Variants in ERBB4 observed in about 807,000 individuals in gnomAD.
The protein encoded by ERBB4 is erb-b2 receptor tyrosine kinase 4, also known as receptor tyrosine-protein kinase erbB-4.
A neutral mutation model predicts 158.0 loss-of-function variants in ERBB4; 42 were observed. The observed-to-expected ratio is 0.27, with a 90% CI of 0.21 to 0.34. The LOEUF is 0.34. Ranked by LOEUF, ERBB4 falls within the 10% of genes least tolerant of loss-of-function variation. The pLI is 1.00. For missense variants in ERBB4, 1,333 were observed against 1,624.1 expected (o/e 0.82, Z 3.08); for synonymous variants, 583 against 558.7 (o/e 1.04, Z -0.61).
intron 3 of ERBB4, among the ~76,000 whole-genome samples, chr2:211,912,741 A>G (rs896299741): frequency 3.3e-5 from 5 of 152,190 alleles, no homozygotes; most frequent in Non-Finnish European, 7.3e-5. Context: ...GAAAATTTGC[A>G]TCTGTGGAGA....
chr2:211,541,863 C>CA (rs1372551461), intron 20 of ERBB4, among the ~76,000 whole-genome samples: 9 of 152,144 alleles, frequency 5.9e-5, no homozygotes, highest in African/African-American at 2.2e-4. Context: ...TGTTAACTGT[C>CA]ACGTGAGTTT....
chr2:211,870,495 A>C (rs564745267), intron 3 of ERBB4, among the ~76,000 whole-genome samples: 146 of 152,254 alleles, frequency 9.6e-4, no homozygotes, highest in Middle Eastern at 6.8e-3. Context: ...AGATATCTAC[A>C]TCGAAATAAG....
intron 3 of ERBB4, among the ~76,000 whole-genome samples, chr2:211,883,202 A>C (rs1485624415): frequency 2.6e-5 from 4 of 152,142 alleles, no homozygotes; most frequent in Non-Finnish European, 5.9e-5. Context: ...CAAGGACAAA[A>C]AACCAAACAC....
intron 1 of ERBB4, among the ~76,000 whole-genome samples, chr2:212,246,955 A>G (rs1217061157): frequency 5.3e-5 from 8 of 152,160 alleles, no homozygotes; most frequent in African/African-American, 1.7e-4. Context: ...AAAGAAACCT[A>G]TAGGATTAGA....
chr2:211,745,943 T>G (rs2074959930), intron 5 of ERBB4, among the ~76,000 whole-genome samples: 1 of 152,178 alleles, frequency 6.6e-6, no homozygotes, highest in Non-Finnish European at 1.5e-5. Context: ...TTAAGAACAC[T>G]TAGGTTAAAA....
intron 12 of ERBB4, among the ~76,000 whole-genome samples, chr2:211,694,306 G>T (rs560318509): frequency 6.6e-6 from 1 of 152,056 alleles, no homozygotes; most frequent in Non-Finnish European, 1.5e-5. Flanking sequence ...CTGATGTAGA[G>T]GCAAGTCAGG....
chr2:212,110,664 A>G (rs2079377048), intron 2 of ERBB4, among the ~76,000 whole-genome samples: 1 of 152,204 alleles, frequency 6.6e-6, no homozygotes, highest in Admixed American at 6.5e-5. Context: ...TTATCACCGG[A>G]CTGCTTTCAA....
intron 2 of ERBB4, among the ~76,000 whole-genome samples, chr2:211,966,729 C>T (rs909558623): frequency 5.3e-5 from 8 of 151,820 alleles, no homozygotes; most frequent in Non-Finnish European, 1.2e-4. Context: ...CTTGGAAAAC[C>T]AATACCCTGT....
chr2:212,382,218 TAC>T (rs1200302613), intron 1 of ERBB4, among the ~76,000 whole-genome samples: 1 of 149,806 alleles, frequency 6.7e-6, no homozygotes, highest in East Asian at 1.9e-4. Context: ...TATACAAATA[TAC>T]ACACATACAT....
In ERBB4 at chr2:212,140,846, AGTGTGTGTGTGTGTGT is replaced by A. The variant is rs35461019; in HGVS notation, c.83-15959_83-15944del. On this transcript the variant is annotated intron_variant, in intron 1 of 27. Transcript: ENST00000342788. ...CCACCTGAATAGACTAGGAAACATG[AGTGTGTGTGTGTGTGT>A]GTGTGTGTGTGTGTGTGTGTGTGTG... 5.3e-5 allele frequency among the ~76,000 whole-genome samples: 7 copies of A among 131,738 alleles called. 1 individual carries two copies. In the South Asian group the frequency reaches 1.0e-3, roughly 19 times the overall value. 86.4% of individuals were successfully genotyped at this position (131,738 alleles called of 152,430 possible). A position where few individuals can be genotyped will look rare whatever the true frequency, so the allele number is the denominator to read the frequency against.
chr2:212,523,179 GGC>G (rs1692267311), intron 1 of ERBB4, among the ~76,000 whole-genome samples: 1 of 151,834 alleles, frequency 6.6e-6, no homozygotes, highest in Admixed American at 6.6e-5. Context: ...AATTACGCCA[GGC>G]ATGCATATGT....
At chr2:211,735,464 G>C (rs915775542) in intron 5 of ERBB4, among the ~76,000 whole-genome samples, 1 of 152,132 alleles carries the variant, frequency 6.6e-6, no homozygotes, top group African/African-American at 2.4e-5. Flanking sequence ...GGACTAAAAG[G>C]GGAGAGGAAG....
chr2:211,691,734 T>G (rs369374500), intron 12 of ERBB4, among the ~76,000 whole-genome samples: 3 of 151,832 alleles, frequency 2.0e-5, no homozygotes, highest in African/African-American at 7.3e-5. Flanking sequence ...TAAGAGTTCT[T>G]AAGGCAAAGG....
intron 1 of ERBB4, among the ~76,000 whole-genome samples, chr2:212,347,058 A>G (rs901932865): frequency 4.6e-5 from 7 of 152,136 alleles, no homozygotes; most frequent in African/African-American, 1.7e-4. Flanking sequence ...AAAGAGTCAT[A>G]TCAGATAGGC....
chr2:212,004,130 T>C (rs1323767875), intron 2 of ERBB4, among the ~76,000 whole-genome samples: 1 of 152,084 alleles, frequency 6.6e-6, no homozygotes, highest in Non-Finnish European at 1.5e-5. Context: ...AAATAAACTA[T>C]GGGAAATGGA....
intron 7 of ERBB4, among the ~76,000 whole-genome samples, chr2:211,716,066 A>G (rs1259166174): frequency 6.6e-6 from 1 of 152,218 alleles, no homozygotes; most frequent in African/African-American, 2.4e-5. Flanking sequence ...ACCTGCATTT[A>G]GAAGCTGAAT....
At chr2:212,055,558 C>T (rs913984599) in intron 2 of ERBB4, among the ~76,000 whole-genome samples, 7 of 152,184 alleles carry the variant, frequency 4.6e-5, no homozygotes, top group South Asian at 2.1e-4. Context: ...CTCACACAGC[C>T]GGGTACCCCG....
intron 2 of ERBB4, among the ~76,000 whole-genome samples, chr2:211,993,076 ATC>A (rs1336165395): frequency 6.6e-6 from 1 of 152,212 alleles, no homozygotes; most frequent in Admixed American, 6.5e-5. Flanking sequence ...AACCCATATC[ATC>A]TCTGTTATGC....
chr2:211,888,841 C>T (rs1237929557), intron 3 of ERBB4, among the ~76,000 whole-genome samples: 1 of 151,602 alleles, frequency 6.6e-6, no homozygotes, highest in Non-Finnish European at 1.5e-5. Flanking sequence ...CTTTTCAGAC[C>T]GGCTTAAAAA....
Sources: allele counts gnomAD v4.1 joint callset (sites outside exome capture counted in the v4.1 genomes callset), GRCh38; gene constraint gnomAD v4.1.1; transcripts MANE v1.5; gene names NCBI Gene and HGNC (gene_info 2026-07-23, HGNC 2026-07-21).